POLH: variants seen among roughly 807,000 people sequenced by gnomAD.
POLH encodes the protein DNA polymerase eta, also known as DNA polymerase eta transcript.
Under a neutral mutation model 73.6 loss-of-function variants are expected in POLH, and 53 were observed. The ratio of observed to expected loss-of-function variants is 0.72; its 90% CI spans 0.58 to 0.91. POLH has a LOEUF of 0.91. Ranked by LOEUF, POLH falls within the 40% of genes least tolerant of loss-of-function variation. The probability of loss-of-function intolerance (pLI) is 0.00; values close to 1 mark genes in which losing one functional copy is unlikely to be tolerated. For missense variants in POLH, 768 were observed against 865.4 expected (o/e 0.89, Z 1.41); for synonymous variants, 292 against 308.5 (o/e 0.95, Z 0.56).
At chr6:43,611,193 T>C (rs902726566) in intron 10 of POLH, among the ~76,000 whole-genome samples, 2 of 152,232 alleles carry the variant, frequency 1.3e-5, no homozygotes, top group Non-Finnish European at 2.9e-5. Context: ...TGCCGACAGC[T>C]GATACATTCC....
chr6:43,593,953 C>T (rs1765764470), intron 4 of POLH, among the ~76,000 whole-genome samples: 1 of 150,384 alleles, frequency 6.6e-6, no homozygotes. Context: ...ACCAGAACTA[C>T]CTGAAGTATT....
intron 4 of POLH, among the ~76,000 whole-genome samples, chr6:43,593,898 A>AAG (rs1561903633): frequency 6.7e-6 from 1 of 149,108 alleles, no homozygotes; most frequent in African/African-American, 2.5e-5. Flanking sequence ...AAAAAAAAAA[A>AAG]AGAAAGAAAG....
chr6:43,578,168 C>A (rs527544180), intron 1 of POLH, among the ~76,000 whole-genome samples: 1 of 151,958 alleles, frequency 6.6e-6, no homozygotes, highest in South Asian at 2.1e-4. Flanking sequence ...GGGTGGATCG[C>A]CTAAGGTCAG....
intron 10 of POLH, 53 bp from the exon 11 acceptor site, chr6:43,613,607 C>T: frequency 7.1e-7 from 1 of 1,403,994 alleles, no homozygotes; most frequent in Non-Finnish European, 1.0e-6. Context: ...CAATAGGTCA[C>T]TATTTTAATC....
intron 1 of POLH, among the ~76,000 whole-genome samples, chr6:43,580,914 G>C (rs112678157): frequency 3.8e-3 from 565 of 149,270 alleles, no homozygotes; most frequent in Non-Finnish European, 5.9e-3. Flanking sequence ...CCTCCCTCCC[G>C]GACGGCACGG....
chr6:43,614,521 A>G lies in POLH; in HGVS notation c.2106A>G (p.Gln702=). The G allele has an allele frequency of 6.2e-7, 1 of 1,613,956 alleles. No homozygotes were observed. The highest frequency in any genetic ancestry group is 8.5e-7 in the Non-Finnish European group (1 of 1,180,022). ...AACGCCCCAGGCCTGAGGGCATGCAAACATTGGAATCATTTTTTAAGCCAT... is the reference window on the plus strand; with the variant it reads ...AACGCCCCAGGCCTGAGGGCATGCAGACATTGGAATCATTTTTTAAGCCAT... ...TNKRPRPEGM[Q]TLESFFKPLT... Residue 702 remains glutamine, a synonymous_variant, in exon 11 of 11, where the codon CAA becomes CAG. Transcript: ENST00000372236.
Position 43,604,616 on chromosome 6 carries a change from T to G in POLH, c.886T>G (p.Ser296Ala). 6.2e-7 allele frequency: 1 copy of G among 1,614,060 alleles called. No individual in the cohort carries two copies. Among genetic ancestry groups the G allele is most frequent in the Non-Finnish European group, 8.5e-7 (1 of 1,179,886 alleles). Residue 296 changes from serine to alanine, a missense_variant and splice_region_variant, in exon 8 of 11, where the codon TCT becomes GCT. Coordinates refer to ENST00000372236, the MANE Select transcript of POLH (RefSeq NM_006502.3). Reference sequence around the variant, plus strand: ...AACGTTTTTTGCTGGTCTTATTAGGTCTTGGCTATATGCCATGTGCCGAGG... The same window carrying G: ...AACGTTTTTTGCTGGTCTTATTAGGGCTTGGCTATATGCCATGTGCCGAGG... ...LQSHFGEKNG[S>A]WLYAMCRGIE... is the part of the protein sequence containing the mutation.
chr6:43,604,469 G>A (rs770733087), intron 7 of POLH, 146 bp from the exon 8 acceptor site: 23 of 797,778 alleles, frequency 2.9e-5, no homozygotes, highest in East Asian at 5.4e-5. Flanking sequence ...CAGGGGTTTC[G>A]TCAGAGGTCC....
chr6:43,613,158 A>G (rs1355959319), intron 10 of POLH, among the ~76,000 whole-genome samples: 3 of 152,184 alleles, frequency 2.0e-5, no homozygotes, highest in Non-Finnish European at 4.4e-5. Flanking sequence ...GCAGTTGTGG[A>G]ATTTCATTCT....
At chr6:43,602,674 CT>C (rs571850355) in intron 6 of POLH, among the ~76,000 whole-genome samples, 188 of 145,862 alleles carry the variant, frequency 1.3e-3, no homozygotes, top group Admixed American at 5.9e-3. Flanking sequence ...AGAATTTTGA[CT>C]TTTTTTTTTT....
At chr6:43,583,627 A>C (rs1005776153) in intron 3 of POLH, among the ~76,000 whole-genome samples, 1 of 152,212 alleles carries the variant, frequency 6.6e-6, no homozygotes, top group African/African-American at 2.4e-5. Flanking sequence ...AATGGGGGAT[A>C]TGAATCAGCA....
At chr6:43,600,920 G>A (rs1766668661) in intron 5 of POLH, 68 bp from the exon 6 acceptor site, 1 of 919,918 alleles carries the variant, frequency 1.1e-6, no homozygotes, top group Non-Finnish European at 1.8e-6. Flanking sequence ...TATGTTATGT[G>A]TATGTTTATA....
chr6:43,607,724 A>T (rs1397685656), intron 9 of POLH, among the ~76,000 whole-genome samples: 2 of 151,980 alleles, frequency 1.3e-5, no homozygotes, highest in East Asian at 3.8e-4. Context: ...CTTGTTACTG[A>T]CTTTTTAAAT....
intron 9 of POLH, 109 bp downstream of exon 9, chr6:43,605,428 A>G: frequency 3.1e-6 from 2 of 643,070 alleles, no homozygotes; most frequent in South Asian, 3.4e-5. Context: ...AGCATAGGAA[A>G]TATCCGTTTT....
At chr6:43,607,234 A>T (rs1767402851) in intron 9 of POLH, among the ~76,000 whole-genome samples, 1 of 152,180 alleles carries the variant, frequency 6.6e-6, no homozygotes, top group Non-Finnish European at 1.5e-5. Flanking sequence ...AGCTGGGATT[A>T]TAGGCACGCG....
In POLH at chr6:43,587,386, A is replaced by C. The variant is rs370505776; in HGVS notation, c.387A>C (p.Leu129=). The change falls in exon 4 of 11, where the codon CTA becomes CTC. Residue 129 remains leucine, a synonymous_variant. Coordinates refer to ENST00000372236, the MANE Select transcript of POLH (RefSeq NM_006502.3). ...TGACCAGTGCTGTACAAGAGAGACT[A>C]CAAAAGCTACAAGGTCAGCCTATCT... The part of the protein sequence containing the change: ...VDLTSAVQER[L]QKLQGQPISA... 1.2e-6 allele frequency: 2 copies of C among 1,614,074 alleles called. No homozygotes were observed. The highest frequency in any genetic ancestry group is 3.3e-5 in the Admixed American group (2 of 60,012).
At chr6:43,576,889 C>T (rs1030966721) in intron 1 of POLH, among the ~76,000 whole-genome samples, 2 of 152,244 alleles carry the variant, frequency 1.3e-5, no homozygotes, top group African/African-American at 4.8e-5. Flanking sequence ...GGCGCGGTGG[C>T]TCACGCCTGT....
At position 43,616,585 on chromosome 6, in the gene POLH, T is replaced by C. The variant is rs1054003421; in HGVS notation, c.*2028T>C. Among the ~76,000 whole-genome samples the C allele has an allele frequency of 9.0e-6, 1 of 110,596 alleles. No homozygotes were observed. Among genetic ancestry groups the C allele is most frequent in the Admixed American group, 8.3e-5 (1 of 12,014 alleles). The allele number at this position is 110,596 out of a possible 152,430, so 72.6% of individuals were successfully genotyped here. ...GCCAGGGTGAGAGTGAGAGACTGTC[T>C]CAAAAAAAAAAAAAACAAAAGAAAA... On this transcript the variant is annotated 3_prime_UTR_variant, in exon 11 of 11. Transcript: ENST00000372236.
At chr6:43,587,544 T>C in intron 4 of POLH, 55 bp downstream of exon 4, 1 of 1,204,124 alleles carries the variant, frequency 8.3e-7, no homozygotes, top group South Asian at 1.2e-5. Flanking sequence ...CCTGCTTTGC[T>C]TGGTCATGCT....
Sources: gnomAD v4.1 joint callset for allele counts (sites outside exome capture counted in the v4.1 genomes callset) on GRCh38, gnomAD v4.1.1 for gene constraint, MANE v1.5 for transcripts, NCBI Gene and HGNC (gene_info 2026-07-23, HGNC 2026-07-21) for gene names.